Variants in SYT1 observed in about 807,000 individuals in gnomAD.
SYT1 encodes synaptotagmin 1.
In SYT1, 8 loss-of-function variants were observed where a neutral mutation model predicts 44.8. The ratio of observed to expected loss-of-function variants is 0.18; its 90% confidence interval spans 0.10 to 0.32. The LOEUF (loss-of-function observed/expected upper bound fraction) is 0.32. Ranked by LOEUF, SYT1 falls within the 10% of genes least tolerant of loss-of-function variation. The pLI is 1.00. For synonymous variants in SYT1, 154 were observed against 188.8 expected (o/e 0.82, Z 1.51); for missense variants, 286 against 509.3 (o/e 0.56, Z 4.22).
intron 4 of SYT1, among the ~76,000 whole-genome samples, chr12:79,252,742 C>T (rs1877291057): frequency 6.6e-6 from 1 of 152,106 alleles, no homozygotes; most frequent in South Asian, 2.1e-4. Flanking sequence ...TGTTATACCC[C>T]TGAGACTTCG....
chr12:79,194,980 C>G (rs982644724), intron 3 of SYT1, among the ~76,000 whole-genome samples: 1 of 152,134 alleles, frequency 6.6e-6, no homozygotes, highest in Non-Finnish European at 1.5e-5. Flanking sequence ...TTTTGCTAAA[C>G]TTTAATAACA....
intron 8 of SYT1, among the ~76,000 whole-genome samples, chr12:79,334,950 T>C (rs2139025288): frequency 6.6e-6 from 1 of 152,274 alleles, no homozygotes; most frequent in African/African-American, 2.4e-5. Flanking sequence ...TGGTCTTTTT[T>C]ATTTCTCACG....
At chr12:78,878,954 A>G (rs953624261) in intron 1 of SYT1, among the ~76,000 whole-genome samples, 6 of 151,744 alleles carry the variant, frequency 4.0e-5, no homozygotes, top group African/African-American at 1.5e-4. Flanking sequence ...GGCAAAGAAC[A>G]TCAGAATTTC....
chr12:79,056,879 A>C (rs1306410777), intron 3 of SYT1, among the ~76,000 whole-genome samples: 1 of 152,018 alleles, frequency 6.6e-6, no homozygotes, highest in East Asian at 1.9e-4. Context: ...TCAATTAATT[A>C]TCTTCAAATG....
intron 4 of SYT1, among the ~76,000 whole-genome samples, chr12:79,266,919 T>C (rs1878161566): frequency 6.6e-6 from 1 of 152,162 alleles, no homozygotes; most frequent in African/African-American, 2.4e-5. Flanking sequence ...CTTTGTATAG[T>C]AATGAAATTA....
intron 3 of SYT1, among the ~76,000 whole-genome samples, chr12:79,140,728 G>A (rs1869504792): frequency 2.6e-5 from 4 of 152,108 alleles, no homozygotes; most frequent in Admixed American, 2.0e-4. Flanking sequence ...CTGAAGTTTG[G>A]AAATCATTGC....
intron 4 of SYT1, among the ~76,000 whole-genome samples, chr12:79,254,863 A>G (rs1262239198): frequency 6.6e-6 from 1 of 152,234 alleles, no homozygotes; most frequent in African/African-American, 2.4e-5. Flanking sequence ...CTGAAGATGT[A>G]ACTGAATTGC....
At chr12:79,186,775 A>G (rs749318889) in intron 3 of SYT1, among the ~76,000 whole-genome samples, 2 of 152,040 alleles carry the variant, frequency 1.3e-5, no homozygotes, top group Non-Finnish European at 2.9e-5. Flanking sequence ...ATGAAGGCCT[A>G]AGATTTATTT....
chr12:79,348,270 G>A (rs1882693714), intron 8 of SYT1, among the ~76,000 whole-genome samples: 1 of 152,182 alleles, frequency 6.6e-6, no homozygotes, highest in South Asian at 2.1e-4. Context: ...AGGCTATTAT[G>A]AGGCTATTAC....
intron 9 of SYT1, among the ~76,000 whole-genome samples, chr12:79,432,063 T>C (rs941684900): frequency 7.2e-5 from 11 of 152,094 alleles, no homozygotes; most frequent in Non-Finnish European, 1.3e-4. Context: ...TCTGGAAGGA[T>C]AAGGAAAATC....
At chr12:79,424,955 T>C (rs1869355853) in intron 9 of SYT1, among the ~76,000 whole-genome samples, 1 of 139,592 alleles carries the variant, frequency 7.2e-6, no homozygotes, top group South Asian at 2.2e-4. Context: ...TTCTTCTTCT[T>C]TTTTTTTTTT....
intron 4 of SYT1, among the ~76,000 whole-genome samples, chr12:79,264,898 G>C (rs1272306158): frequency 6.6e-6 from 1 of 152,060 alleles, no homozygotes; most frequent in Non-Finnish European, 1.5e-5. Flanking sequence ...CAAATGTCTT[G>C]CCTTTCAGTT....
At chr12:79,095,172 C>T (rs1565804049) in intron 3 of SYT1, among the ~76,000 whole-genome samples, 1 of 151,722 alleles carries the variant, frequency 6.6e-6, no homozygotes, top group Non-Finnish European at 1.5e-5. Context: ...ACGAGTACCC[C>T]AAAAGTCAAG....
At chr12:79,073,919 G>T (rs996172742) in intron 3 of SYT1, among the ~76,000 whole-genome samples, 1 of 152,026 alleles carries the variant, frequency 6.6e-6, no homozygotes, top group East Asian at 1.9e-4. Flanking sequence ...AAAATAATGA[G>T]CAACTTAATT....
chr12:79,203,743 T>C (rs1480820336), intron 3 of SYT1, among the ~76,000 whole-genome samples: 1 of 152,206 alleles, frequency 6.6e-6, no homozygotes, highest in African/African-American at 2.4e-5. Context: ...TTTTCGTAGA[T>C]TGTAGATACT....
At position 79,148,480 on chromosome 12, in the gene SYT1, T is replaced by C. The variant is rs559429293; in HGVS notation, c.-17-69023T>C. Among the ~76,000 whole-genome samples, 18 of 152,278 alleles carry C rather than the reference T, an allele frequency of 1.2e-4. No homozygotes were observed. In the East Asian group the frequency reaches 3.5e-3, roughly 29 times the overall value. On this transcript the variant is annotated intron_variant, in intron 3 of 10. Transcript: ENST00000261205. Reference sequence around the variant, plus strand: ...TCTTTCCTGAATCATTTTTGACCTCTTCAACTAACGATCAGTTATTAGACA... The same window carrying C: ...TCTTTCCTGAATCATTTTTGACCTCCTCAACTAACGATCAGTTATTAGACA...
chr12:79,238,448 T>C (rs1167995102), intron 4 of SYT1, among the ~76,000 whole-genome samples: 4 of 152,296 alleles, frequency 2.6e-5, no homozygotes, highest in Non-Finnish European at 5.9e-5. Context: ...AAAGCCTTGT[T>C]TCATTAGAGA....
At chr12:79,235,129 C>T (rs948385502) in intron 4 of SYT1, among the ~76,000 whole-genome samples, 1 of 152,230 alleles carries the variant, frequency 6.6e-6, no homozygotes, top group Non-Finnish European at 1.5e-5. Context: ...ATTACTATGT[C>T]TGGTAGTACA....
chr12:78,949,970 CT>C (rs1198361663), intron 1 of SYT1, among the ~76,000 whole-genome samples: 1 of 151,930 alleles, frequency 6.6e-6, no homozygotes, highest in Non-Finnish European at 1.5e-5. Context: ...AGCAGAATAA[CT>C]TTTTTTCACA....
Sources: gnomAD v4.1 joint callset for allele counts (sites outside exome capture counted in the v4.1 genomes callset) on GRCh38, gnomAD v4.1.1 for gene constraint, MANE v1.5 for transcripts, NCBI Gene and HGNC (gene_info 2026-07-23, HGNC 2026-07-21) for gene names.